Variants in ITFG1 observed in about 807,000 individuals in gnomAD.
ITFG1 encodes T-cell immunomodulatory protein.
Under a neutral mutation model 81.8 loss-of-function variants are expected in ITFG1, and 34 were observed. That is an observed-to-expected ratio of 0.42 (90% CI 0.32 to 0.55). The LOEUF is 0.55. ITFG1 is among the 20% of genes least tolerant of loss of function. The probability of loss-of-function intolerance (pLI) is 0.17; values close to 1 mark genes in which losing one functional copy is unlikely to be tolerated. For missense variants in ITFG1, 672 were observed against 755.4 expected, an observed-to-expected ratio of 0.89 and a Z score of 1.29; for synonymous variants, 285 against 270.6, an observed-to-expected ratio of 1.05 and a Z score of -0.52.
chr16:47,377,043 C>T (rs909051814), intron 6 of ITFG1, among the ~76,000 whole-genome samples: 35 of 148,958 alleles, frequency 2.3e-4, no homozygotes, highest in African/African-American at 8.5e-4. Context: ...TTTTTTTTTC[C>T]CTTCCTACAT....
intron 6 of ITFG1, among the ~76,000 whole-genome samples, chr16:47,399,392 T>C (rs1185551658): frequency 1.3e-5 from 2 of 152,104 alleles, no homozygotes; most frequent in Admixed American, 1.3e-4. Flanking sequence ...GCTAACACGG[T>C]GAAACCCCAT....
intron 14 of ITFG1, among the ~76,000 whole-genome samples, chr16:47,204,527 T>C (rs1180297264): frequency 6.6e-6 from 1 of 152,230 alleles, no homozygotes; most frequent in Non-Finnish European, 1.5e-5. Context: ...TTTTAAAACA[T>C]TTGTTTTTAT....
At chr16:47,348,087 T>C (rs937800061) in intron 8 of ITFG1, among the ~76,000 whole-genome samples, 2 of 151,908 alleles carry the variant, frequency 1.3e-5, no homozygotes, top group African/African-American at 4.8e-5. Flanking sequence ...AGACAAAAGG[T>C]AGATAAAACC....
At chr16:47,452,075 C>T (rs951870945) in intron 4 of ITFG1, among the ~76,000 whole-genome samples, 4 of 152,064 alleles carry the variant, frequency 2.6e-5, no homozygotes, top group African/African-American at 9.7e-5. Context: ...AGAAATCTAG[C>T]GGGGCACCGT....
chr16:47,334,923 T>G (rs1206626637), intron 8 of ITFG1, among the ~76,000 whole-genome samples: 2 of 152,156 alleles, frequency 1.3e-5, no homozygotes, highest in Non-Finnish European at 2.9e-5. Flanking sequence ...AGAAAGCTTA[T>G]AGAAGAAAAC....
At chr16:47,346,464 A>G (rs1254780789) in intron 8 of ITFG1, among the ~76,000 whole-genome samples, 1 of 152,214 alleles carries the variant, frequency 6.6e-6, no homozygotes, top group Non-Finnish European at 1.5e-5. Flanking sequence ...CATATCTCAG[A>G]AAAGACAAAA....
At chr16:47,365,276 T>C (rs982852948) in intron 8 of ITFG1, among the ~76,000 whole-genome samples, 1 of 152,222 alleles carries the variant, frequency 6.6e-6, no homozygotes, top group African/African-American at 2.4e-5. Flanking sequence ...GAGCCACATA[T>C]GCTTTGGAAG....
At chr16:47,195,987 G>A (rs932962717) in intron 14 of ITFG1, among the ~76,000 whole-genome samples, 4 of 152,026 alleles carry the variant, frequency 2.6e-5, no homozygotes, top group Admixed American at 2.0e-4. Context: ...AGATAATTTT[G>A]CTGGATACAG....
chr16:47,377,898 A>G (rs1448292133), intron 6 of ITFG1, among the ~76,000 whole-genome samples: 2 of 152,220 alleles, frequency 1.3e-5, no homozygotes, highest in African/African-American at 2.4e-5. Context: ...TGCTATATGT[A>G]TATTGTAGTT....
chr16:47,331,368 T>C (rs990576736), intron 8 of ITFG1, among the ~76,000 whole-genome samples: 1 of 152,108 alleles, frequency 6.6e-6, no homozygotes, highest in Non-Finnish European at 1.5e-5. Flanking sequence ...AAACTTCCTA[T>C]GGGGTACTGT....
intron 10 of ITFG1, among the ~76,000 whole-genome samples, chr16:47,306,290 C>T (rs1367571690): frequency 6.6e-6 from 1 of 151,872 alleles, no homozygotes; most frequent in Admixed American, 6.6e-5. Context: ...TTCAGATAAC[C>T]ATTGACTGAG....
chr16:47,423,232 A>G (rs967483673), intron 6 of ITFG1, among the ~76,000 whole-genome samples: 2 of 149,020 alleles, frequency 1.3e-5, no homozygotes, highest in Non-Finnish European at 3.0e-5. Context: ...TTTATCAGAG[A>G]CCAGGACTGC....
chr16:47,297,194 G>C (rs947731680), intron 10 of ITFG1, among the ~76,000 whole-genome samples: 1 of 151,852 alleles, frequency 6.6e-6, no homozygotes, highest in Non-Finnish European at 1.5e-5. Flanking sequence ...CTTTTTTACT[G>C]TTTTTGATTT....
chr16:47,161,228 G>C (rs945782090), intron 16 of ITFG1, among the ~76,000 whole-genome samples: 1 of 152,168 alleles, frequency 6.6e-6, no homozygotes, highest in African/African-American at 2.4e-5. Context: ...CTTACCACAT[G>C]CTTGGCACTG....
intron 8 of ITFG1, among the ~76,000 whole-genome samples, chr16:47,355,410 C>G (rs1968024989): frequency 6.6e-6 from 1 of 152,008 alleles, no homozygotes; most frequent in South Asian, 2.1e-4. Context: ...AGAGCTTGGT[C>G]AAAGGGCACA....
intron 12 of ITFG1, among the ~76,000 whole-genome samples, chr16:47,255,331 A>G (rs970143162): frequency 6.6e-6 from 1 of 152,176 alleles, no homozygotes; most frequent in Non-Finnish European, 1.5e-5. Flanking sequence ...CTTTCTGTGC[A>G]TTTTTGGTGT....
chr16:47,187,972 C>G (rs1461304046), intron 14 of ITFG1, among the ~76,000 whole-genome samples: 1 of 152,040 alleles, frequency 6.6e-6, no homozygotes, highest in Non-Finnish European at 1.5e-5. Context: ...AGACACTTCT[C>G]AAAAGAAGAC....
At chr16:47,416,490 T>G (rs946226452) in intron 6 of ITFG1, among the ~76,000 whole-genome samples, 3 of 152,184 alleles carry the variant, frequency 2.0e-5, no homozygotes, top group Admixed American at 6.5e-5. Context: ...ATAGTTTAGA[T>G]GTTTGTCCCC....
chr16:47,167,153 A>ATTTGTC (rs1209677544), intron 14 of ITFG1, among the ~76,000 whole-genome samples: 1 of 152,192 alleles, frequency 6.6e-6, no homozygotes, highest in Non-Finnish European at 1.5e-5. Context: ...TCTACTCTAG[A>ATTTGTC]TACCTCATAT....
Sources: gnomAD v4.1 joint callset for allele counts (sites outside exome capture counted in the v4.1 genomes callset) on GRCh38, gnomAD v4.1.1 for gene constraint, MANE v1.5 for transcripts, NCBI Gene and HGNC (gene_info 2026-07-23, HGNC 2026-07-21) for gene names.